HS3ST4: variants seen among roughly 807,000 people sequenced by gnomAD.
HS3ST4 encodes the protein heparan sulfate-glucosamine 3-sulfotransferase 4.
A neutral mutation model predicts 29.2 loss-of-function variants in HS3ST4; 17 were observed. That is an observed-to-expected ratio of 0.58 (90% CI 0.40 to 0.87). HS3ST4 has a LOEUF of 0.87. Ranked by LOEUF, HS3ST4 falls within the 40% of genes least tolerant of loss-of-function variation. The probability of loss-of-function intolerance (pLI) is 0.00; values close to 1 mark genes in which losing one functional copy is unlikely to be tolerated. For missense variants in HS3ST4, 627 were observed against 634.5 expected, an observed-to-expected ratio of 0.99 and a Z score of 0.13; for synonymous variants, 314 against 285.7, an observed-to-expected ratio of 1.10 and a Z score of -1.00.
At chr16:25,828,111 C>G (rs928075910) in intron 1 of HS3ST4, among the ~76,000 whole-genome samples, 1 of 151,628 alleles carries the variant, frequency 6.6e-6, no homozygotes, top group African/African-American at 2.4e-5. Context: ...AGCATAGTAC[C>G]TCATAAGCAG....
chr16:26,007,579 A>G (rs1392413627), intron 1 of HS3ST4, among the ~76,000 whole-genome samples: 1 of 152,080 alleles, frequency 6.6e-6, no homozygotes, highest in African/African-American at 2.4e-5. Context: ...TGTTTGTTTC[A>G]CATCCACCTT....
At chr16:25,747,101 T>G (rs1966690167) in intron 1 of HS3ST4, among the ~76,000 whole-genome samples, 1 of 152,148 alleles carries the variant, frequency 6.6e-6, no homozygotes, top group East Asian at 1.9e-4. Flanking sequence ...CAAGCAATAC[T>G]GCCTCAGCCT....
At chr16:25,793,658 T>G (rs1304392088) in intron 1 of HS3ST4, among the ~76,000 whole-genome samples, 3 of 151,974 alleles carry the variant, frequency 2.0e-5, no homozygotes, top group African/African-American at 7.2e-5. Flanking sequence ...CTGTCAACCT[T>G]TATTTGTTCT....
intron 1 of HS3ST4, among the ~76,000 whole-genome samples, chr16:25,738,650 C>T (rs1328232341): frequency 6.6e-6 from 1 of 152,146 alleles, no homozygotes; most frequent in East Asian, 1.9e-4. Context: ...TTGAGGAAAC[C>T]TGCCCCTCAA....
At position 26,136,238 on chromosome 16, in the gene HS3ST4, G is replaced by A. The variant is rs763773480; in HGVS notation, c.1361G>A (p.Gly454Asp). The stretch of plus-strand genomic sequence containing the variant: ...GATTTTCAGTGGGAACAGGAAGAGG[G>A]TGATAAATGAGGCTAGAGAGGCAGA... ...GQDFQWEQEE[G>D]DK The change falls in exon 2 of 2, where the codon GGT becomes GAT. Residue 454 changes from glycine to aspartate, a missense_variant. By Grantham distance (94) the Gly-to-Asp change is moderately conservative (BLOSUM62 -1). This residue lies in a region of HS3ST4 where 225 missense variants were observed against 293.7 expected (regional missense o/e 0.77). Coordinates refer to ENST00000331351, the MANE Select transcript of HS3ST4 (RefSeq NM_006040.3). The A allele has an allele frequency of 6.2e-7, 1 of 1,612,102 alleles. No individual in the cohort carries two copies. Among genetic ancestry groups the A allele is most frequent in the East Asian group, 2.2e-5 (1 of 44,804 alleles).
intron 1 of HS3ST4, among the ~76,000 whole-genome samples, chr16:26,124,094 A>G (rs576413691): frequency 2.1e-4 from 32 of 152,068 alleles, no homozygotes; most frequent in Non-Finnish European, 3.4e-4. Context: ...CTAATTTTGT[A>G]TTTTTAGTAG....
chr16:25,778,483 C>T (rs192698395), intron 1 of HS3ST4, among the ~76,000 whole-genome samples: 182 of 152,336 alleles, frequency 1.2e-3, no homozygotes, highest in Non-Finnish European at 1.2e-3. Flanking sequence ...TGACTACTGT[C>T]ATGGCTAATT....
intron 1 of HS3ST4, among the ~76,000 whole-genome samples, chr16:26,095,930 G>A (rs1157425139): frequency 2.0e-5 from 3 of 152,078 alleles, no homozygotes; most frequent in Non-Finnish European, 4.4e-5. Flanking sequence ...AATGATAAAG[G>A]GGATATCACC....
chr16:25,775,819 C>T (rs185292357), intron 1 of HS3ST4, among the ~76,000 whole-genome samples: 264 of 152,320 alleles, frequency 1.7e-3, no homozygotes, highest in African/African-American at 5.9e-3. Context: ...GACTGTGAAT[C>T]CACTTTCTTT....
At chr16:25,844,869 T>A (rs1200718957) in intron 1 of HS3ST4, among the ~76,000 whole-genome samples, 3 of 152,116 alleles carry the variant, frequency 2.0e-5, no homozygotes, top group Admixed American at 2.0e-4. Flanking sequence ...TATGCAGCCA[T>A]AAAAAGGAAC....
intron 1 of HS3ST4, among the ~76,000 whole-genome samples, chr16:25,718,327 G>A (rs970253909): frequency 2.0e-5 from 3 of 152,146 alleles, no homozygotes; most frequent in African/African-American, 4.8e-5. Context: ...AGGCTTGCAC[G>A]ATGAGATTCC....
chr16:25,955,855 C>T (rs11648594), intron 1 of HS3ST4, among the ~76,000 whole-genome samples: 5,220 of 147,872 alleles, frequency 0.035, 158 homozygotes, highest in South Asian at 0.053. Context: ...TGCTCTGTCT[C>T]CCAGGTTGGA....
At chr16:25,914,193 G>A (rs538156385) in intron 1 of HS3ST4, among the ~76,000 whole-genome samples, 5 of 148,992 alleles carry the variant, frequency 3.4e-5, no homozygotes, top group Non-Finnish European at 7.5e-5. Context: ...GTGTGTGTGT[G>A]GAGTGTGTGT....
At chr16:26,121,725 G>A (rs959750485) in intron 1 of HS3ST4, among the ~76,000 whole-genome samples, 3 of 152,156 alleles carry the variant, frequency 2.0e-5, no homozygotes, top group Non-Finnish European at 2.9e-5. Context: ...GAGTGCCTGT[G>A]CAGACACACT....
At chr16:26,005,214 G>A (rs911873062) in intron 1 of HS3ST4, among the ~76,000 whole-genome samples, 6 of 152,100 alleles carry the variant, frequency 3.9e-5, no homozygotes, top group African/African-American at 1.4e-4. Context: ...AGGCCAGTTT[G>A]GGAAATCAAT....
At chr16:25,980,211 C>T (rs1968990136) in intron 1 of HS3ST4, among the ~76,000 whole-genome samples, 1 of 152,158 alleles carries the variant, frequency 6.6e-6, no homozygotes, top group African/African-American at 2.4e-5. Flanking sequence ...GCCCTGTGTG[C>T]AGCTTCATCT....
rs2141591442 is a variant in HS3ST4, at chr16:25,725,527, G to A, written c.734+32376G>A. On this transcript the variant is annotated intron_variant, in intron 1 of 1. Transcript: ENST00000331351. Reference sequence around the variant, plus strand: ...CTTTAACCCAGTGATATATGCCAGAGTTTATTAAAAGCTATAGTATAATCC... The same window carrying A: ...CTTTAACCCAGTGATATATGCCAGAATTTATTAAAAGCTATAGTATAATCC... 1.3e-5 allele frequency among the ~76,000 whole-genome samples: 2 copies of A among 152,076 alleles called. 1 individual carries two copies. Among genetic ancestry groups the A allele is most frequent in the Middle Eastern group, 6.8e-3 (2 of 294 alleles).
intron 1 of HS3ST4, among the ~76,000 whole-genome samples, chr16:25,933,210 A>G (rs1369556898): frequency 1.3e-5 from 2 of 152,198 alleles, no homozygotes; most frequent in Non-Finnish European, 2.9e-5. Context: ...GGCTTTAATT[A>G]CTTATGTGGA....
chr16:25,983,466 G>A (rs182224422), intron 1 of HS3ST4, among the ~76,000 whole-genome samples: 1 of 152,286 alleles, frequency 6.6e-6, no homozygotes, highest in East Asian at 1.9e-4. Flanking sequence ...CTGTGCCTGG[G>A]ATCCTCCTCT....
Sources: gnomAD v4.1 joint callset for allele counts (sites outside exome capture counted in the v4.1 genomes callset) on GRCh38, gnomAD v4.1.1 for gene constraint, gnomAD v4.1.1 regional missense constraint, MANE v1.5 for transcripts, NCBI Gene and HGNC (gene_info 2026-07-23, HGNC 2026-07-21) for gene names.